The following CDC42BPB variants were observed in gnomAD, a reference collection of about 807,000 sequenced individuals.
CDC42BPB encodes the protein serine/threonine-protein kinase MRCK beta.
In CDC42BPB, 37 loss-of-function variants were observed where a neutral mutation model predicts 214.9. The observed-to-expected ratio is 0.17, with a 90% CI of 0.13 to 0.23. CDC42BPB has a LOEUF of 0.23. Ranked by LOEUF, CDC42BPB falls within the 10% of genes least tolerant of loss-of-function variation. CDC42BPB has a pLI of 1.00. For missense variants in CDC42BPB, 1,694 were observed against 2,227.0 expected, an observed-to-expected ratio of 0.76 and a Z score of 4.82; for synonymous variants, 931 against 884.0, an observed-to-expected ratio of 1.05 and a Z score of -0.94.
chr14:102,940,960 A>C (rs1372987159), intron 30 of CDC42BPB, among the ~76,000 whole-genome samples: 2 of 152,258 alleles, frequency 1.3e-5, no homozygotes, highest in African/African-American at 2.4e-5. Context: ...TCACCTGCTC[A>C]TCTGTTGGCT....
intron 1 of CDC42BPB, among the ~76,000 whole-genome samples, chr14:103,018,683 G>A (rs1484274636): frequency 6.6e-6 from 1 of 152,208 alleles, no homozygotes; most frequent in Non-Finnish European, 1.5e-5. Flanking sequence ...GTGAGGAGGG[G>A]AGTAGGGCCT....
chr14:102,954,520 G>A (rs1267081879), intron 22 of CDC42BPB, 82 bp downstream of exon 22: 3 of 1,429,706 alleles, frequency 2.1e-6, no homozygotes, highest in Non-Finnish European at 2.9e-6. Flanking sequence ...CTGTTATGCA[G>A]GGGCCAGGTG....
chr14:102,959,681 T>C lies in CDC42BPB; in HGVS notation c.2851A>G (p.Ile951Val), dbSNP rs1892868023. The change falls in exon 21 of 37, where the codon ATT (isoleucine) becomes GTT (valine). Residue 951 changes from isoleucine to valine, a missense_variant. This residue lies in a region of CDC42BPB where 156 missense variants were observed against 154.5 expected (regional missense o/e 1.01). Coordinates refer to ENST00000361246, the MANE Select transcript of CDC42BPB (RefSeq NM_006035.4). ...GGAGCAGTGTTGAAATACTCAAAAATGGAATCCTGAAAATCTGGAAGTTTG... is the reference window on the plus strand; with the variant it reads ...GGAGCAGTGTTGAAATACTCAAAAACGGAATCCTGAAAATCTGGAAGTTTG... The part of the protein sequence containing the change: ...GLKLPDFQDS[I>V]FEYFNTAPLA... 3 of 1,612,038 alleles carry C rather than the reference T, an allele frequency of 1.9e-6. No homozygotes were observed. The highest frequency in any genetic ancestry group is 3.3e-5 in the Admixed American group (2 of 59,846).
intron 18 of CDC42BPB, 193 bp from the exon 19 acceptor site, chr14:102,964,843 C>T (rs1318896756): frequency 2.5e-6 from 2 of 798,772 alleles, no homozygotes; most frequent in East Asian, 2.5e-4. Context: ...CCTCAGAAAT[C>T]TTCTAAAAAA....
chr14:102,981,260 T>C (rs1893983938), intron 7 of CDC42BPB: 1 of 889,222 alleles, frequency 1.1e-6, no homozygotes. Context: ...ATGACACATT[T>C]TACCTATGGA....
chr14:102,969,471 C>T (rs1034092253), intron 14 of CDC42BPB, among the ~76,000 whole-genome samples: 10 of 152,240 alleles, frequency 6.6e-5, no homozygotes, highest in Non-Finnish European at 1.3e-4. Flanking sequence ...GCAGGAGCCT[C>T]GGGCACCACA....
At chr14:103,042,880 CTCAACACAGAG>C (rs1019582274) in intron 1 of CDC42BPB, among the ~76,000 whole-genome samples, 2 of 152,206 alleles carry the variant, frequency 1.3e-5, no homozygotes, top group African/African-American at 2.4e-5. Flanking sequence ...CCTCAGGATG[CTCAACACAGAG>C]CCTTCACACG....
intron 1 of CDC42BPB, among the ~76,000 whole-genome samples, chr14:103,032,670 T>G (rs992627720): frequency 6.7e-6 from 1 of 149,128 alleles, no homozygotes; most frequent in African/African-American, 2.5e-5. Flanking sequence ...TCTCGCTCTG[T>G]TACTCAGTCT....
intron 30 of CDC42BPB, chr14:102,940,885 T>C (rs964472669): frequency 9.3e-5 from 16 of 171,460 alleles, no homozygotes; most frequent in Non-Finnish European, 2.0e-4. Flanking sequence ...CAGCCCGGTC[T>C]GAGGGCATAT....
At chr14:103,014,724 A>G (rs535593758) in intron 1 of CDC42BPB, among the ~76,000 whole-genome samples, 1 of 152,312 alleles carries the variant, frequency 6.6e-6, no homozygotes, top group Non-Finnish European at 1.5e-5. Context: ...CCCCCATCAC[A>G]GCAAATACAC....
At chr14:102,942,699 C>T (rs563189945) in intron 30 of CDC42BPB, among the ~76,000 whole-genome samples, 3 of 152,238 alleles carry the variant, frequency 2.0e-5, no homozygotes, top group South Asian at 2.1e-4. Context: ...CATGTGGCAC[C>T]GTGCCTGGCT....
chr14:103,027,809 A>G (rs1275534381), intron 1 of CDC42BPB, among the ~76,000 whole-genome samples: 4 of 152,218 alleles, frequency 2.6e-5, no homozygotes, highest in Non-Finnish European at 5.9e-5. Context: ...AAATGTGTGA[A>G]TAGAGTAAGA....
At chr14:103,002,822 T>C (rs1265135035) in intron 4 of CDC42BPB, among the ~76,000 whole-genome samples, 1 of 152,054 alleles carries the variant, frequency 6.6e-6, no homozygotes, top group Non-Finnish European at 1.5e-5. Context: ...GCCTGAAACA[T>C]CCTAAGTGCT....
intron 5 of CDC42BPB, among the ~76,000 whole-genome samples, chr14:102,991,874 G>A (rs1894508863): frequency 6.6e-6 from 1 of 152,136 alleles, no homozygotes; most frequent in Admixed American, 6.5e-5. Context: ...TTTAAAACAG[G>A]CAAAGCTGAT....
At chr14:103,006,519 AT>A (rs1885829478) in intron 3 of CDC42BPB, among the ~76,000 whole-genome samples, 1 of 152,240 alleles carries the variant, frequency 6.6e-6, no homozygotes, top group Non-Finnish European at 1.5e-5. Context: ...AACTTTTAGT[AT>A]TTTTTAACCA....
At chr14:103,033,575 A>G (rs1219023531) in intron 1 of CDC42BPB, among the ~76,000 whole-genome samples, 1 of 152,186 alleles carries the variant, frequency 6.6e-6, no homozygotes, top group African/African-American at 2.4e-5. Flanking sequence ...AAACTTTGAA[A>G]TTTGAATAGG....
At chr14:103,026,115 C>T (rs770569158) in intron 1 of CDC42BPB, among the ~76,000 whole-genome samples, 12 of 151,902 alleles carry the variant, frequency 7.9e-5, no homozygotes, top group Admixed American at 2.0e-4. Context: ...ACTTAAAACA[C>T]GGCTGGGCGT....
chr14:103,018,012 G>C (rs962164245), intron 1 of CDC42BPB, among the ~76,000 whole-genome samples: 5 of 152,226 alleles, frequency 3.3e-5, no homozygotes, highest in Non-Finnish European at 7.3e-5. Context: ...CAGACCCGTA[G>C]GGGGGTGGAG....
At chr14:102,966,947 G>A (rs780746088) in intron 17 of CDC42BPB, 99 bp downstream of exon 17, 36 of 1,388,118 alleles carry the variant, frequency 2.6e-5, no homozygotes, top group Non-Finnish European at 3.6e-5. Context: ...GAGAGGCACG[G>A]CCTGGCGTGG....
Sources: allele counts gnomAD v4.1 joint callset (sites outside exome capture counted in the v4.1 genomes callset), GRCh38; gene constraint gnomAD v4.1.1; regional missense constraint gnomAD v4.1.1; transcripts MANE v1.5; gene names NCBI Gene and HGNC (gene_info 2026-07-23, HGNC 2026-07-21).